GRIK1: variants seen among roughly 807,000 people sequenced by gnomAD.
GRIK1 encodes the protein glutamate ionotropic receptor kainate type subunit 1.
In GRIK1, 69 loss-of-function variants were observed where a neutral mutation model predicts 105.7. That is an observed-to-expected ratio of 0.65 (90% CI 0.54 to 0.80). The LOEUF is 0.80. GRIK1 is among the 30% of genes least tolerant of loss of function. The pLI is 0.00. For synonymous variants in GRIK1, 438 were observed against 431.3 expected, an observed-to-expected ratio of 1.02 and a Z score of -0.19; for missense variants, 1,109 against 1,167.3, an observed-to-expected ratio of 0.95 and a Z score of 0.73.
intron 1 of GRIK1, among the ~76,000 whole-genome samples, chr21:29,710,789 C>T (rs568142688): frequency 2.4e-4 from 16 of 67,226 alleles, no homozygotes; most frequent in South Asian, 7.9e-4. Context: ...CCCTCCCTCC[C>T]TCCTTCCTTC....
chr21:29,616,305 C>T (rs921992056), intron 7 of GRIK1, among the ~76,000 whole-genome samples: 3 of 152,136 alleles, frequency 2.0e-5, no homozygotes, highest in African/African-American at 7.2e-5. Context: ...CAAGCAAATA[C>T]GTTTAGATTT....
intron 1 of GRIK1, among the ~76,000 whole-genome samples, chr21:29,797,819 C>T (rs187606068): frequency 1.3e-5 from 2 of 152,270 alleles, no homozygotes; most frequent in African/African-American, 2.4e-5. Context: ...AAAAGTACAA[C>T]GTTTTCTCCC....
chr21:29,560,357 T>TTC (rs1555835104), intron 15 of GRIK1, among the ~76,000 whole-genome samples: 1,298 of 57,798 alleles, frequency 0.022, 134 homozygotes, highest in East Asian at 0.033. Flanking sequence ...CTTTCTTTCT[T>TTC]TTTCTTTCTT....
intron 1 of GRIK1, among the ~76,000 whole-genome samples, chr21:29,777,609 G>A (rs1418287245): frequency 6.6e-6 from 1 of 152,158 alleles, no homozygotes; most frequent in Non-Finnish European, 1.5e-5. Flanking sequence ...ACATAGGTGA[G>A]GTGGCAAGCA....
intron 1 of GRIK1, among the ~76,000 whole-genome samples, chr21:29,903,814 C>T (rs1350967658): frequency 2.0e-5 from 3 of 152,166 alleles, no homozygotes; most frequent in Non-Finnish European, 4.4e-5. Flanking sequence ...ATGATAAAGA[C>T]ACATGCACAC....
intron 1 of GRIK1, among the ~76,000 whole-genome samples, chr21:29,734,668 G>A (rs2064741104): frequency 6.6e-6 from 1 of 152,042 alleles, no homozygotes. Context: ...CAAATTTCTT[G>A]GATTACAGGC....
At chr21:29,808,044 G>A (rs1174826075) in intron 1 of GRIK1, among the ~76,000 whole-genome samples, 1 of 152,146 alleles carries the variant, frequency 6.6e-6, no homozygotes, top group Admixed American at 6.6e-5. Context: ...CTCAGGATTG[G>A]CCTATTCTCC....
At chr21:29,829,761 C>T (rs543956905) in intron 1 of GRIK1, among the ~76,000 whole-genome samples, 1 of 152,280 alleles carries the variant, frequency 6.6e-6, no homozygotes, top group South Asian at 2.1e-4. Flanking sequence ...ACTCCTACAT[C>T]ATTATACCTT....
chr21:29,843,613 T>C (rs1187621264), intron 1 of GRIK1, among the ~76,000 whole-genome samples: 1 of 152,194 alleles, frequency 6.6e-6, no homozygotes, highest in African/African-American at 2.4e-5. Flanking sequence ...GGATTTCTTA[T>C]TTTAGAATTT....
chr21:29,880,348 C>A (rs114194152), intron 1 of GRIK1, among the ~76,000 whole-genome samples: 1 of 152,100 alleles, frequency 6.6e-6, no homozygotes, highest in African/African-American at 2.4e-5. Context: ...GGAAATGTTG[C>A]CAACTTCAGA....
At chr21:29,601,120 G>T in intron 7 of GRIK1, 1 of 395,852 alleles carries the variant, frequency 2.5e-6, no homozygotes, top group South Asian at 1.9e-5. Context: ...GGTGGACTGA[G>T]CAAGGCAGAC....
At chr21:29,893,375 A>T (rs980200520) in intron 1 of GRIK1, among the ~76,000 whole-genome samples, 2 of 152,188 alleles carry the variant, frequency 1.3e-5, no homozygotes, top group Admixed American at 1.3e-4. Context: ...TTTTCAAATC[A>T]CTATAGTGTG....
At chr21:29,616,072 G>A (rs1388004369) in intron 7 of GRIK1, among the ~76,000 whole-genome samples, 2 of 152,134 alleles carry the variant, frequency 1.3e-5, no homozygotes, top group African/African-American at 4.8e-5. Context: ...ACCCATCCTG[G>A]ACCTCTTTGA....
At chr21:29,861,111 G>A (rs977270683) in intron 1 of GRIK1, among the ~76,000 whole-genome samples, 2 of 151,560 alleles carry the variant, frequency 1.3e-5, no homozygotes, top group South Asian at 4.2e-4. Context: ...CATGTCATCT[G>A]GAAATAAGAG....
At chr21:29,874,080 GACTGTAAAT>G (rs1169937483) in intron 1 of GRIK1, among the ~76,000 whole-genome samples, 1 of 152,172 alleles carries the variant, frequency 6.6e-6, no homozygotes, top group Non-Finnish European at 1.5e-5. Context: ...GACGGGGACT[GACTGTAAAT>G]ACAGATGAAG....
intron 1 of GRIK1, among the ~76,000 whole-genome samples, chr21:29,845,863 A>G (rs1411631605): frequency 6.6e-6 from 1 of 152,174 alleles, no homozygotes; most frequent in East Asian, 1.9e-4. Context: ...AAGAGACTGC[A>G]GCCTTGATTC....
rs796395013 is a variant in GRIK1 at position 29,783,794 on chromosome 21, T to C, written c.119-89731A>G. The stretch of plus-strand genomic sequence containing the variant: ...AGGCTATCTTTCTTATAATTTTAAC[T>C]TTATTGACTTTGAAAACATAAAACA... On this transcript the variant is annotated intron_variant, in intron 1 of 17. Transcript: ENST00000327783. 9.8e-5 allele frequency among the ~76,000 whole-genome samples: 15 copies of C among 152,362 alleles called. No individual in the cohort carries two copies. The South Asian group carries it at 1.0e-3, about 11-fold the overall frequency.
chr21:29,881,828 CA>C (rs1372981801), intron 1 of GRIK1, among the ~76,000 whole-genome samples: 2 of 152,092 alleles, frequency 1.3e-5, no homozygotes, highest in Non-Finnish European at 2.9e-5. Flanking sequence ...GTGTGCTCCA[CA>C]ATGGTATTCA....
At chr21:29,769,116 C>T (rs2145727022) in intron 1 of GRIK1, among the ~76,000 whole-genome samples, 1 of 151,988 alleles carries the variant, frequency 6.6e-6, no homozygotes. Flanking sequence ...TCATATAGTG[C>T]CTGGCTACTA....
Sources: gnomAD v4.1 joint callset for allele counts (sites outside exome capture counted in the v4.1 genomes callset) on GRCh38, gnomAD v4.1.1 for gene constraint, MANE v1.5 for transcripts, NCBI Gene and HGNC (gene_info 2026-07-23, HGNC 2026-07-21) for gene names.